GRID2: variants seen among roughly 807,000 people sequenced by gnomAD.
GRID2 encodes glutamate receptor ionotropic, delta-2.
In GRID2, 33 loss-of-function variants were observed where a neutral mutation model predicts 114.8. That is an observed-to-expected ratio of 0.29 (90% CI 0.22 to 0.38). The LOEUF (loss-of-function observed/expected upper bound fraction) is 0.38, where lower values mean the gene tolerates loss of function less well. Ranked by LOEUF, GRID2 falls within the 10% of genes least tolerant of loss-of-function variation. GRID2 has a pLI of 1.00. For missense variants in GRID2, 1,184 were observed against 1,257.7 expected (o/e 0.94, Z 0.89); for synonymous variants, 505 against 449.9 (o/e 1.12, Z -1.55).
chr4:92,400,758 C>T (rs183904735), intron 1 of GRID2, among the ~76,000 whole-genome samples: 1 of 152,098 alleles, frequency 6.6e-6, no homozygotes, highest in Non-Finnish European at 1.5e-5. Context: ...TCTTTACCCT[C>T]ACAAACACTT....
chr4:92,943,994 A>C (rs963159691), intron 2 of GRID2, among the ~76,000 whole-genome samples: 1 of 152,070 alleles, frequency 6.6e-6, no homozygotes, highest in African/African-American at 2.4e-5. Context: ...GTCTGCCCCT[A>C]CTGGGGGGTG....
At chr4:93,603,155 A>G in intron 13 of GRID2, among the ~76,000 whole-genome samples, 1 of 152,202 alleles carries the variant, frequency 6.6e-6, no homozygotes, top group Non-Finnish European at 1.5e-5. Flanking sequence ...GGTTGCAGTT[A>G]GCCAAGATTG....
At chr4:93,356,099 A>T (rs1250124392) in intron 8 of GRID2, among the ~76,000 whole-genome samples, 1 of 152,118 alleles carries the variant, frequency 6.6e-6, no homozygotes, top group Non-Finnish European at 1.5e-5. Flanking sequence ...ACATAAAATC[A>T]TAAACATATA....
At chr4:93,462,616 A>G (rs978771597) in intron 11 of GRID2, among the ~76,000 whole-genome samples, 25 of 152,270 alleles carry the variant, frequency 1.6e-4, no homozygotes, top group African/African-American at 5.8e-4. Context: ...CCACAAAAAG[A>G]AGAGTCAGAC....
intron 2 of GRID2, among the ~76,000 whole-genome samples, chr4:93,035,325 G>A (rs1294985159): frequency 6.6e-6 from 1 of 151,978 alleles, no homozygotes; most frequent in Non-Finnish European, 1.5e-5. Flanking sequence ...TTTTGCCCAG[G>A]ATGGTCTTGA....
chr4:92,751,046 AC>A (rs1284571504), intron 2 of GRID2, among the ~76,000 whole-genome samples: 1 of 152,148 alleles, frequency 6.6e-6, no homozygotes, highest in Non-Finnish European at 1.5e-5. Context: ...TGGCAAACAC[AC>A]CTTTTTATAA....
intron 2 of GRID2, among the ~76,000 whole-genome samples, chr4:92,619,012 CTT>C (rs1220638773): frequency 6.6e-6 from 1 of 151,066 alleles, no homozygotes; most frequent in East Asian, 2.0e-4. Context: ...CCGTTTATTG[CTT>C]TCTCTCTGAT....
At chr4:92,683,792 A>G (rs889339946) in intron 2 of GRID2, among the ~76,000 whole-genome samples, 2 of 151,928 alleles carry the variant, frequency 1.3e-5, no homozygotes, top group Non-Finnish European at 2.9e-5. Flanking sequence ...AAGCAAAAAT[A>G]AATTCAGTTA....
intron 1 of GRID2, among the ~76,000 whole-genome samples, chr4:92,455,691 T>G (rs1401451882): frequency 6.6e-6 from 1 of 151,630 alleles, no homozygotes; most frequent in Non-Finnish European, 1.5e-5. Context: ...AGTACCGGAG[T>G]GGTGGGCAGT....
intron 2 of GRID2, among the ~76,000 whole-genome samples, chr4:92,895,384 CATATATATAT>C (rs10528035): frequency 3.1e-4 from 34 of 108,158 alleles, no homozygotes; most frequent in African/African-American, 1.6e-3. Flanking sequence ...ATGTAGAAAA[CATATATATAT>C]ATATATATAT....
chr4:92,723,550 A>G (rs185409423), intron 2 of GRID2, among the ~76,000 whole-genome samples: 1 of 152,302 alleles, frequency 6.6e-6, no homozygotes, highest in Admixed American at 6.5e-5. Context: ...GAAACTTAAA[A>G]TCACCTTTCC....
chr4:92,794,905 T>TATACAC (rs745392261), intron 2 of GRID2, among the ~76,000 whole-genome samples: 55 of 127,796 alleles, frequency 4.3e-4, no homozygotes, highest in African/African-American at 7.7e-4. Flanking sequence ...TATATATATA[T>TATACAC]ACACACACAC....
chr4:93,334,566 G>C (rs1350314464), intron 8 of GRID2, among the ~76,000 whole-genome samples: 1 of 152,144 alleles, frequency 6.6e-6, no homozygotes, highest in Non-Finnish European at 1.5e-5. Context: ...GGTTATATTG[G>C]ACCCTGATAA....
chr4:93,327,566 G>T (rs922694990), intron 8 of GRID2, among the ~76,000 whole-genome samples: 2 of 152,020 alleles, frequency 1.3e-5, no homozygotes, highest in African/African-American at 2.4e-5. Context: ...CCATAAAAAA[G>T]AATGAATTAA....
chr4:93,014,933 G>A (rs906804799), intron 2 of GRID2, among the ~76,000 whole-genome samples: 2 of 152,044 alleles, frequency 1.3e-5, no homozygotes, highest in Non-Finnish European at 2.9e-5. Flanking sequence ...CACTACTCTA[G>A]ATTCATTTCA....
chr4:92,684,692 A>T (rs556694427), intron 2 of GRID2, among the ~76,000 whole-genome samples: 1 of 152,082 alleles, frequency 6.6e-6, no homozygotes, highest in South Asian at 2.1e-4. Context: ...AGACATGTAT[A>T]TTGCCACACA....
chr4:92,940,293 A>G (rs373601285), intron 2 of GRID2, among the ~76,000 whole-genome samples: 1 of 146,516 alleles, frequency 6.8e-6, no homozygotes, highest in Non-Finnish European at 1.5e-5. Context: ...TCCCTTGTAA[A>G]TTGGATTCCT....
chr4:93,551,932 A>G (rs1006396461), intron 13 of GRID2, among the ~76,000 whole-genome samples: 2 of 152,164 alleles, frequency 1.3e-5, no homozygotes, highest in African/African-American at 4.8e-5. Context: ...CACAACGTGC[A>G]GGTTTGTTAC....
chr4:92,327,221 C>G lies in GRID2; in HGVS notation c.88+22477C>G, dbSNP rs1174347614. The stretch of plus-strand genomic sequence containing the variant: ...ATTACTCTGAAATCACTAATAGGCT[C>G]AGTGTCTACCCCTTTAAGTATCTGT... On this transcript the variant is annotated intron_variant, in intron 1 of 15. Transcript: ENST00000282020. 3.3e-5 allele frequency among the ~76,000 whole-genome samples: 5 copies of G among 152,072 alleles called. No individual in the cohort carries two copies. In the East Asian group the frequency reaches 9.7e-4, roughly 29 times the overall value.
Sources: allele counts gnomAD v4.1 joint callset (sites outside exome capture counted in the v4.1 genomes callset), GRCh38; gene constraint gnomAD v4.1.1; transcripts MANE v1.5; gene names NCBI Gene and HGNC (gene_info 2026-07-23, HGNC 2026-07-21).